The following MAPRE2 variants were observed in gnomAD, a reference collection of about 807,000 sequenced individuals.
MAPRE2 encodes the protein microtubule-associated protein RP/EB family member 2.
In MAPRE2, 13 loss-of-function variants were observed where a neutral mutation model predicts 43.2. The observed-to-expected ratio is 0.30, with a 90% confidence interval of 0.20 to 0.48. The LOEUF (loss-of-function observed/expected upper bound fraction) is 0.48, where lower values mean the gene tolerates loss of function less well. MAPRE2 is among the 20% of genes least tolerant of loss of function. MAPRE2 has a pLI of 0.99. For synonymous variants in MAPRE2, 135 were observed against 148.8 expected, an observed-to-expected ratio of 0.91 and a Z score of 0.68; for missense variants, 161 against 400.2, an observed-to-expected ratio of 0.40 and a Z score of 5.10.
In MAPRE2 at chr18:35,101,938, T is replaced by C; in HGVS notation, c.397-8T>C. 1 of 1,584,448 alleles carries C rather than the reference T, an allele frequency of 6.3e-7. No homozygotes were observed. The highest frequency in any genetic ancestry group is 8.6e-7 in the Non-Finnish European group (1 of 1,165,878). On this transcript the variant is annotated splice_polypyrimidine_tract_variant and splice_region_variant and intron_variant, in intron 3 of 6. Coordinates refer to ENST00000300249, the MANE Select transcript of MAPRE2 (RefSeq NM_014268.4). ...GTTTGTAACTCACATAGTGATTTTT[T>C]ATTGCAGGTAATTCCAGTGGAGAAG...
At chr18:35,119,560 C>T (rs1909577691) in intron 4 of MAPRE2, among the ~76,000 whole-genome samples, 1 of 152,046 alleles carries the variant, frequency 6.6e-6, no homozygotes, top group Non-Finnish European at 1.5e-5. Flanking sequence ...GGTTATGGCT[C>T]AATAAAAATT....
At chr18:35,061,942 C>A (rs545474349) in intron 1 of MAPRE2, among the ~76,000 whole-genome samples, 2 of 152,170 alleles carry the variant, frequency 1.3e-5, no homozygotes, top group African/African-American at 4.8e-5. Context: ...TCCTGCCTCT[C>A]GAGGTATTGA....
At chr18:35,137,415 A>T (rs1349180526) in intron 6 of MAPRE2, among the ~76,000 whole-genome samples, 7 of 152,234 alleles carry the variant, frequency 4.6e-5, no homozygotes, top group African/African-American at 9.6e-5. Context: ...CCTCTAGTTT[A>T]TTACAGGCTC....
At chr18:35,135,623 G>A (rs557729444) in intron 6 of MAPRE2, among the ~76,000 whole-genome samples, 3 of 152,328 alleles carry the variant, frequency 2.0e-5, no homozygotes, top group South Asian at 4.1e-4. Context: ...TGTGCTTAGT[G>A]GTTACGATGC....
intron 5 of MAPRE2, 199 bp downstream of exon 5, chr18:35,127,286 A>G (rs1909951024): frequency 3.6e-6 from 2 of 560,852 alleles, no homozygotes; most frequent in Non-Finnish European, 6.2e-6. Flanking sequence ...CACAAATCTC[A>G]AAGCTGTACA....
chr18:34,989,773 A>G (rs2097022824), intron 1 of MAPRE2, among the ~76,000 whole-genome samples: 1 of 151,842 alleles, frequency 6.6e-6, no homozygotes, highest in Non-Finnish European at 1.5e-5. Context: ...ATCACCTGGG[A>G]GCATCTCATA....
At chr18:35,111,275 C>CT (rs1348978151) in intron 4 of MAPRE2, among the ~76,000 whole-genome samples, 5 of 151,926 alleles carry the variant, frequency 3.3e-5, no homozygotes, top group South Asian at 2.1e-4. Context: ...TTTCTGTTTA[C>CT]TTTTTTTTCT....
chr18:35,070,130 A>C (rs752632036), intron 1 of MAPRE2, 65 bp from the exon 2 acceptor site: 167 of 1,450,144 alleles, frequency 1.2e-4, no homozygotes, highest in Admixed American at 3.4e-4. Flanking sequence ...TTGACCTCGA[A>C]TAGGTATCTT....
chr18:34,988,584 T>C (rs1236891039), intron 1 of MAPRE2: 2 of 152,208 alleles, frequency 1.3e-5, no homozygotes, highest in Non-Finnish European at 2.9e-5. Flanking sequence ...AATGATCTGC[T>C]TCATATAGGG....
intron 3 of MAPRE2, among the ~76,000 whole-genome samples, chr18:35,099,206 TA>T (rs1240578241): frequency 6.6e-6 from 1 of 152,234 alleles, no homozygotes; most frequent in Non-Finnish European, 1.5e-5. Context: ...GTTTGTTAGT[TA>T]AAAGCTTTTT....
intron 4 of MAPRE2, among the ~76,000 whole-genome samples, chr18:35,105,363 T>G (rs1908855557): frequency 6.6e-6 from 1 of 152,148 alleles, no homozygotes. Flanking sequence ...CAAACTGCCA[T>G]TCCCTTTCTA....
At chr18:35,053,981 T>C (rs923902756) in intron 1 of MAPRE2, among the ~76,000 whole-genome samples, 11 of 152,040 alleles carry the variant, frequency 7.2e-5, no homozygotes, top group Admixed American at 3.3e-4. Flanking sequence ...GGAGGAAAAA[T>C]AAATGTAACA....
chr18:35,022,731 A>G (rs1252253620), intron 2 of MAPRE2, among the ~76,000 whole-genome samples: 2 of 152,248 alleles, frequency 1.3e-5, no homozygotes, highest in African/African-American at 4.8e-5. Context: ...CCATAGTCAC[A>G]GAACATAATG....
Position 34,985,289 on chromosome 18 carries a change from AT to A in MAPRE2, c.-70+8212del, listed in dbSNP as rs1455503739. ...TATTATATAATATAATATATTATAT[AT>A]TATATTATATATTGTATATATTATA... On this transcript the variant is annotated intron_variant, in intron 1 of 7. Transcript: ENST00000413393. 1.1e-4 allele frequency among the ~76,000 whole-genome samples: 4 copies of A among 37,052 alleles called. 1 individual carries two copies. The highest frequency in any genetic ancestry group is 3.1e-4 in the African/African-American group (3 of 9,816). The allele number at this position is 37,052 out of a possible 152,430, so 24.3% of individuals were successfully genotyped here.
intron 1 of MAPRE2, chr18:34,984,544 A>G (rs2097018033): frequency 6.6e-6 from 1 of 151,672 alleles, no homozygotes. Flanking sequence ...ATTTAATCCC[A>G]TCCTAACACC....
At chr18:35,104,626 G>A (rs1029129207) in intron 4 of MAPRE2, among the ~76,000 whole-genome samples, 1 of 152,080 alleles carries the variant, frequency 6.6e-6, no homozygotes, top group African/African-American at 2.4e-5. Flanking sequence ...GAAAAGAGAG[G>A]ATATTTATTT....
intron 2 of MAPRE2, among the ~76,000 whole-genome samples, chr18:35,015,633 A>AGTGT (rs3082290): frequency 0.12 from 15,780 of 134,644 alleles, 1,023 homozygotes; most frequent in Non-Finnish European, 0.13. Flanking sequence ...TAGGGATGGC[A>AGTGT]GTGTGTGTGT....
intron 2 of MAPRE2, among the ~76,000 whole-genome samples, chr18:35,012,255 T>C (rs890560219): frequency 6.6e-6 from 1 of 152,192 alleles, no homozygotes; most frequent in African/African-American, 2.4e-5. Context: ...TGTATATATA[T>C]GGATTTGAGA....
intron 3 of MAPRE2, among the ~76,000 whole-genome samples, chr18:35,100,192 C>T (rs540632381): frequency 4.9e-4 from 75 of 152,248 alleles, no homozygotes; most frequent in Non-Finnish European, 5.7e-4. Context: ...AGTATTCCCA[C>T]CCAAAGATGT....
Sources: allele counts gnomAD v4.1 joint callset (sites outside exome capture counted in the v4.1 genomes callset), GRCh38; gene constraint gnomAD v4.1.1; transcripts MANE v1.5; gene names NCBI Gene and HGNC (gene_info 2026-07-23, HGNC 2026-07-21).